The following XKR6 variants were observed in gnomAD, a reference collection of about 807,000 sequenced individuals.
The protein encoded by XKR6 is XK-related protein 6.
Under a neutral mutation model 56.7 loss-of-function variants are expected in XKR6, and 22 were observed. The ratio of observed to expected loss-of-function variants is 0.39; its 90% CI spans 0.28 to 0.55. The LOEUF (loss-of-function observed/expected upper bound fraction) is 0.55, where lower values mean the gene tolerates loss of function less well. XKR6 is among the 20% of genes least tolerant of loss of function. The pLI, the probability that XKR6 is intolerant of heterozygous loss-of-function variation, is 0.66. For missense variants in XKR6, 852 were observed against 889.0 expected (o/e 0.96, Z 0.53); for synonymous variants, 524 against 387.8 (o/e 1.35, Z -4.13).
chr8:11,040,247 A>G (rs1799252112), intron 1 of XKR6, among the ~76,000 whole-genome samples: 2 of 151,308 alleles, frequency 1.3e-5, no homozygotes, highest in Admixed American at 1.3e-4. Context: ...CCTCAAAACT[A>G]CCACAGCCTC....
intron 1 of XKR6, among the ~76,000 whole-genome samples, chr8:11,153,370 T>C (rs1049885724): frequency 1.3e-5 from 2 of 152,192 alleles, no homozygotes; most frequent in Admixed American, 1.3e-4. Flanking sequence ...TTTCTGAAAA[T>C]GTGAGCAGTA....
chr8:11,154,774 G>A (rs1801432451), intron 1 of XKR6, among the ~76,000 whole-genome samples: 2 of 152,142 alleles, frequency 1.3e-5, no homozygotes, highest in South Asian at 4.1e-4. Flanking sequence ...TATAAACAGG[G>A]TCTACCCTTC....
chr8:11,002,422 G>A, intron 1 of XKR6: 3 of 405,214 alleles, frequency 7.4e-6, no homozygotes, highest in South Asian at 1.9e-5. Flanking sequence ...AGGCCCGCGT[G>A]CAGCAGTACA....
chr8:11,000,479 A>G (rs758508330), intron 1 of XKR6, among the ~76,000 whole-genome samples: 3 of 152,122 alleles, frequency 2.0e-5, no homozygotes, highest in African/African-American at 4.8e-5. Flanking sequence ...TGACGTCAAG[A>G]GCTCGAAACC....
At chr8:10,909,691 T>C (rs1428049890) in intron 2 of XKR6, among the ~76,000 whole-genome samples, 2 of 152,054 alleles carry the variant, frequency 1.3e-5, no homozygotes, top group African/African-American at 4.8e-5. Flanking sequence ...GGAAAGGGAG[T>C]TCCTTGGGAG....
chr8:10,915,160 GC>G (rs1487569878), intron 2 of XKR6, among the ~76,000 whole-genome samples: 3 of 152,196 alleles, frequency 2.0e-5, no homozygotes, highest in African/African-American at 7.2e-5. Flanking sequence ...TTTGTTTATT[GC>G]CCATCTCTCT....
At chr8:11,196,098 TG>T (rs1803871181) in intron 1 of XKR6, among the ~76,000 whole-genome samples, 1 of 152,138 alleles carries the variant, frequency 6.6e-6, no homozygotes, top group African/African-American at 2.4e-5. Context: ...AATGGTACCC[TG>T]GCCCCACACA....
chr8:11,060,414 C>T (rs1242351714), intron 1 of XKR6, among the ~76,000 whole-genome samples: 5 of 152,232 alleles, frequency 3.3e-5, no homozygotes, highest in African/African-American at 1.2e-4. Context: ...CCCCTGCCTC[C>T]TCCGCAGCCC....
intron 2 of XKR6, among the ~76,000 whole-genome samples, chr8:10,908,179 C>G (rs570949914): frequency 6.6e-6 from 1 of 152,298 alleles, no homozygotes; most frequent in African/African-American, 2.4e-5. Context: ...CTCACCCATG[C>G]TCCAGGAAGA....
At chr8:11,050,382 T>C (rs1371456031) in intron 1 of XKR6, among the ~76,000 whole-genome samples, 6 of 150,686 alleles carry the variant, frequency 4.0e-5, no homozygotes, top group Non-Finnish European at 7.4e-5. Flanking sequence ...CAGTGTAAAA[T>C]AAGGGGATGG....
At chr8:11,114,571 G>T (rs1254374488) in intron 1 of XKR6, among the ~76,000 whole-genome samples, 2 of 152,152 alleles carry the variant, frequency 1.3e-5, no homozygotes, top group East Asian at 3.8e-4. Context: ...ATGTTGGCTG[G>T]GCTGGTCTTG....
chr8:11,100,597 C>A (rs1586544604), intron 1 of XKR6, among the ~76,000 whole-genome samples: 1 of 152,330 alleles, frequency 6.6e-6, no homozygotes, highest in Non-Finnish European at 1.5e-5. Context: ...CCAGAAGGTG[C>A]TTTCCCCTAC....
intron 1 of XKR6, among the ~76,000 whole-genome samples, chr8:11,139,270 T>C (rs1393268978): frequency 2.0e-5 from 3 of 152,134 alleles, no homozygotes; most frequent in African/African-American, 4.8e-5. Context: ...GCAGAATAAG[T>C]AGCAAAACCC....
intron 1 of XKR6, among the ~76,000 whole-genome samples, chr8:11,025,800 T>C (rs1055633536): frequency 6.6e-6 from 1 of 152,120 alleles, no homozygotes; most frequent in Non-Finnish European, 1.5e-5. Context: ...GCCCTGCTTG[T>C]GGAGGGAGGC....
At chr8:11,139,533 C>A (rs534722410) in intron 1 of XKR6, among the ~76,000 whole-genome samples, 14 of 152,128 alleles carry the variant, frequency 9.2e-5, no homozygotes, top group African/African-American at 3.1e-4. Context: ...GAGTGCAGTC[C>A]GAGGGACTAG....
At chr8:11,005,177 G>C (rs1011938965) in intron 1 of XKR6, among the ~76,000 whole-genome samples, 13 of 151,986 alleles carry the variant, frequency 8.6e-5, no homozygotes, top group African/African-American at 2.9e-4. Context: ...GTGGAACAAA[G>C]GGATGATTCA....
chr8:10,969,032 T>C (rs1285916410), intron 1 of XKR6, among the ~76,000 whole-genome samples: 1 of 152,184 alleles, frequency 6.6e-6, no homozygotes, highest in African/African-American at 2.4e-5. Flanking sequence ...GAAATTTCCT[T>C]AGGAAACTGG....
chr8:10,924,565 TG>T, intron 2 of XKR6, 68 bp downstream of exon 2: 1 of 1,535,810 alleles, frequency 6.5e-7, no homozygotes. Context: ...ACGAAGTGTG[TG>T]GGAGGCGGCC....
At chr8:10,904,295 G>C (rs543273643) in intron 2 of XKR6, among the ~76,000 whole-genome samples, 36 of 152,204 alleles carry the variant, frequency 2.4e-4, no homozygotes, top group African/African-American at 7.5e-4. Context: ...GGGGGGCTGG[G>C]GAAGGGCAAC....
Sources: gnomAD v4.1 joint callset for allele counts (sites outside exome capture counted in the v4.1 genomes callset) on GRCh38, gnomAD v4.1.1 for gene constraint, MANE v1.5 for transcripts, NCBI Gene and HGNC (gene_info 2026-07-23, HGNC 2026-07-21) for gene names.